GRIK2: variants seen among roughly 807,000 people sequenced by gnomAD.
The protein encoded by GRIK2 is glutamate ionotropic receptor kainate type subunit 2.
Under a neutral mutation model 100.3 loss-of-function variants are expected in GRIK2, and 32 were observed. The observed-to-expected ratio is 0.32, with a 90% CI of 0.24 to 0.43. The LOEUF (loss-of-function observed/expected upper bound fraction) is 0.43, where lower values mean the gene tolerates loss of function less well. Ranked by LOEUF, GRIK2 falls within the 20% of genes least tolerant of loss-of-function variation. GRIK2 has a pLI of 1.00. For missense variants in GRIK2, 843 were observed against 1,114.9 expected (o/e 0.76, Z 3.47); for synonymous variants, 417 against 389.4 (o/e 1.07, Z -0.83).
intron 14 of GRIK2, among the ~76,000 whole-genome samples, chr6:101,958,864 C>T (rs373557890): frequency 3.9e-5 from 6 of 152,150 alleles, no homozygotes; most frequent in African/African-American, 1.4e-4. Flanking sequence ...TCTTGAATCC[C>T]TGAAATAAAA....
At chr6:101,626,738 G>A in intron 4 of GRIK2, 101 bp downstream of exon 4, 1 of 1,073,424 alleles carries the variant, frequency 9.3e-7, no homozygotes, top group Non-Finnish European at 1.3e-6. Flanking sequence ...TTTATTTTGA[G>A]TTTTGAAAAT....
intron 10 of GRIK2, among the ~76,000 whole-genome samples, chr6:101,835,456 A>G (rs1225987179): frequency 7.2e-6 from 1 of 139,826 alleles, no homozygotes; most frequent in Non-Finnish European, 1.5e-5. Context: ...CAGATTACCT[A>G]TGAGTTCCTT....
chr6:101,746,398 C>A (rs2128381423), intron 7 of GRIK2, among the ~76,000 whole-genome samples: 1 of 152,266 alleles, frequency 6.6e-6, no homozygotes, highest in African/African-American at 2.4e-5. Flanking sequence ...ATGATCTCGG[C>A]TCACTGCAAC....
chr6:101,447,385 G>T (rs1416934696), intron 2 of GRIK2, among the ~76,000 whole-genome samples: 1 of 151,548 alleles, frequency 6.6e-6, no homozygotes, highest in Non-Finnish European at 1.5e-5. Context: ...TTGCCCTTTG[G>T]ATAACATCGG....
At chr6:101,978,004 G>A (rs1051451623) in intron 14 of GRIK2, among the ~76,000 whole-genome samples, 1 of 151,928 alleles carries the variant, frequency 6.6e-6, no homozygotes, top group Non-Finnish European at 1.5e-5. Flanking sequence ...AAAAAAAGTG[G>A]TTTAAATTAT....
chr6:101,706,714 A>G (rs542194223), intron 7 of GRIK2, among the ~76,000 whole-genome samples: 128 of 151,976 alleles, frequency 8.4e-4, no homozygotes, highest in Non-Finnish European at 3.7e-4. Context: ...AGCCAGGCCA[A>G]TGGGGATTCC....
chr6:101,872,792 T>G (rs1207529496), intron 11 of GRIK2, among the ~76,000 whole-genome samples: 1 of 151,936 alleles, frequency 6.6e-6, no homozygotes, highest in Non-Finnish European at 1.5e-5. Flanking sequence ...ACACAAATAT[T>G]AAATAGATTA....
chr6:101,638,065 A>T (rs1379087666), intron 4 of GRIK2, among the ~76,000 whole-genome samples: 1 of 151,926 alleles, frequency 6.6e-6, no homozygotes, highest in African/African-American at 2.4e-5. Flanking sequence ...TTCTGTAGTA[A>T]GTCTTATTTT....
intron 12 of GRIK2, among the ~76,000 whole-genome samples, chr6:101,890,677 C>T (rs570687139): frequency 6.6e-6 from 1 of 151,678 alleles, no homozygotes; most frequent in Non-Finnish European, 1.5e-5. Flanking sequence ...GATGGTATTA[C>T]TTTATTTTAC....
At chr6:102,052,833 C>T (rs1241501442) in intron 15 of GRIK2, among the ~76,000 whole-genome samples, 1 of 152,034 alleles carries the variant, frequency 6.6e-6, no homozygotes, top group Non-Finnish European at 1.5e-5. Context: ...TGCCTGTAAT[C>T]CCAGCACTTT....
In GRIK2 at chr6:101,999,426, G is replaced by A. The variant is rs191808331; in HGVS notation, c.2086-35915G>A. 3.3e-4 allele frequency among the ~76,000 whole-genome samples: 50 copies of A among 151,998 alleles called. 1 individual carries two copies. Among genetic ancestry groups the A allele is most frequent in the African/African-American group, 1.1e-3 (47 of 41,484 alleles). ...CTTAGTAATACTTTTTTAGTTTTCA[G>A]TTTCCAGATCTTACACAAATTTTCC... On this transcript the variant is annotated intron_variant, in intron 14 of 16. Coordinates refer to ENST00000369134, the MANE Select transcript of GRIK2 (RefSeq NM_021956.5).
At chr6:101,405,974 G>C (rs936210457) in intron 2 of GRIK2, among the ~76,000 whole-genome samples, 8 of 152,196 alleles carry the variant, frequency 5.3e-5, no homozygotes, top group Non-Finnish European at 1.0e-4. Flanking sequence ...GGTGAGGGGG[G>C]ATGTGGTCTC....
intron 7 of GRIK2, among the ~76,000 whole-genome samples, chr6:101,716,712 C>T (rs1425154701): frequency 2.0e-5 from 3 of 151,650 alleles, no homozygotes; most frequent in African/African-American, 7.3e-5. Context: ...AACAAACCTG[C>T]ATGTTGTGCA....
At chr6:101,835,712 G>A (rs1181731026) in intron 10 of GRIK2, among the ~76,000 whole-genome samples, 2 of 147,360 alleles carry the variant, frequency 1.4e-5, no homozygotes, top group Admixed American at 6.9e-5. Flanking sequence ...TGATCCACCC[G>A]CCTCGGCCTC....
chr6:101,771,802 C>T (rs538726940), intron 7 of GRIK2, among the ~76,000 whole-genome samples: 7 of 150,302 alleles, frequency 4.7e-5, no homozygotes, highest in East Asian at 3.9e-4. Flanking sequence ...TTTGTCCTTG[C>T]GATAGTTTGC....
intron 14 of GRIK2, among the ~76,000 whole-genome samples, chr6:101,933,589 T>C (rs1011159730): frequency 3.9e-5 from 6 of 151,936 alleles, no homozygotes; most frequent in Non-Finnish European, 8.8e-5. Context: ...CAAATGATGA[T>C]TTGATTATTA....
At chr6:101,945,915 T>C (rs1468259153) in intron 14 of GRIK2, among the ~76,000 whole-genome samples, 7 of 150,714 alleles carry the variant, frequency 4.6e-5, no homozygotes, top group African/African-American at 1.7e-4. Flanking sequence ...CTACTGTTTT[T>C]TTTTTTTTTT....
chr6:101,851,266 C>T lies in GRIK2; in HGVS notation c.1318-8021C>T, dbSNP rs547357374. ...CTTTAGGTGAAGGAAATCAAATTAA[C>T]AGGTAGGAGGCTAGTAGGACAAGTT... On this transcript the variant is annotated intron_variant, in intron 10 of 16. Transcript: ENST00000369134. 9.9e-5 allele frequency among the ~76,000 whole-genome samples: 15 copies of T among 152,038 alleles called. No individual in the cohort carries two copies. The South Asian group carries it at 3.1e-3, about 32-fold the overall frequency.
intron 7 of GRIK2, among the ~76,000 whole-genome samples, chr6:101,766,586 G>A (rs1051550386): frequency 6.6e-6 from 1 of 152,180 alleles, no homozygotes; most frequent in Middle Eastern, 3.4e-3. Flanking sequence ...ACAGATAATT[G>A]TCAAACTGTG....
Sources: gnomAD v4.1 joint callset for allele counts (sites outside exome capture counted in the v4.1 genomes callset) on GRCh38, gnomAD v4.1.1 for gene constraint, MANE v1.5 for transcripts, NCBI Gene and HGNC (gene_info 2026-07-23, HGNC 2026-07-21) for gene names.